Variants in TDRD3 observed in about 807,000 individuals in gnomAD.
The protein encoded by TDRD3 is tudor domain-containing protein 3.
TDRD3 carries 45 observed loss-of-function variants against 86.7 expected under a neutral mutation model. The observed-to-expected ratio is 0.52, with a 90% CI of 0.41 to 0.67. The LOEUF is 0.67. Among genes scored for constraint, TDRD3 ranks in the 30% least tolerant of loss-of-function variants. The pLI, the probability that TDRD3 is intolerant of heterozygous loss-of-function variation, is 0.00. For synonymous variants in TDRD3, 298 were observed against 301.7 expected (o/e 0.99, Z 0.13); for missense variants, 814 against 889.0 (o/e 0.92, Z 1.07).
chr13:60,540,901 CA>C (rs1957794747), intron 12 of TDRD3, among the ~76,000 whole-genome samples: 1 of 152,052 alleles, frequency 6.6e-6, no homozygotes, highest in South Asian at 2.1e-4. Context: ...AGTGAAATAA[CA>C]TGACACGATA....
intron 5 of TDRD3, among the ~76,000 whole-genome samples, chr13:60,480,071 T>C (rs1956277950): frequency 6.6e-6 from 1 of 152,222 alleles, no homozygotes; most frequent in Non-Finnish European, 1.5e-5. Context: ...GTAGACATGA[T>C]TGCATAGTTT....
intron 1 of TDRD3, among the ~76,000 whole-genome samples, chr13:60,425,402 C>T (rs913552602): frequency 6.6e-6 from 1 of 152,036 alleles, no homozygotes; most frequent in Non-Finnish European, 1.5e-5. Flanking sequence ...CCTAGTACAC[C>T]GTTGATGGGA....
At chr13:60,447,302 A>T (rs1467624377) in intron 3 of TDRD3, among the ~76,000 whole-genome samples, 1 of 152,170 alleles carries the variant, frequency 6.6e-6, no homozygotes, top group African/African-American at 2.4e-5. Context: ...AGACATCCAG[A>T]CATAGGGTCA....
intron 1 of TDRD3, among the ~76,000 whole-genome samples, chr13:60,421,703 A>G (rs1227635117): frequency 1.3e-5 from 2 of 152,182 alleles, no homozygotes; most frequent in African/African-American, 4.8e-5. Flanking sequence ...GGAAACTATC[A>G]AAGACCTGTG....
chr13:60,402,846 G>A (rs1467011782), intron 1 of TDRD3, among the ~76,000 whole-genome samples: 3 of 151,934 alleles, frequency 2.0e-5, no homozygotes, highest in Non-Finnish European at 4.4e-5. Flanking sequence ...GCGCCACCAC[G>A]CCTGGCTAGC....
At chr13:60,411,287 G>A (rs1882259184) in intron 1 of TDRD3, among the ~76,000 whole-genome samples, 1 of 152,150 alleles carries the variant, frequency 6.6e-6, no homozygotes, top group Non-Finnish European at 1.5e-5. Context: ...CAGTGTAGTG[G>A]TATATACTTT....
At chr13:60,532,404 C>A (rs1352056990) in intron 11 of TDRD3, among the ~76,000 whole-genome samples, 1 of 151,956 alleles carries the variant, frequency 6.6e-6, no homozygotes, top group Non-Finnish European at 1.5e-5. Context: ...TAAAGAATAC[C>A]CTGTGAAAGA....
chr13:60,511,581 T>C (rs904495940), intron 10 of TDRD3, among the ~76,000 whole-genome samples: 1 of 152,198 alleles, frequency 6.6e-6, no homozygotes, highest in African/African-American at 2.4e-5. Context: ...CTTTATTACC[T>C]TATAGTTTCT....
upstream of TDRD3, among the ~76,000 whole-genome samples, chr13:60,395,861 T>C (rs560808404): frequency 5.3e-5 from 8 of 152,260 alleles, no homozygotes; most frequent in Non-Finnish European, 8.8e-5. Context: ...TGCATACTAC[T>C]GCACATTGCA....
At chr13:60,479,428 C>T (rs1474820361) in intron 5 of TDRD3, among the ~76,000 whole-genome samples, 1 of 152,140 alleles carries the variant, frequency 6.6e-6, no homozygotes, top group Non-Finnish European at 1.5e-5. Flanking sequence ...TTTGGTCAAT[C>T]TTAGACTATG....
At chr13:60,545,276 G>A (rs760970696) in intron 12 of TDRD3, among the ~76,000 whole-genome samples, 1 of 152,132 alleles carries the variant, frequency 6.6e-6, no homozygotes, top group African/African-American at 2.4e-5. Flanking sequence ...AGCATGTTAA[G>A]TGAATGAGAT....
At chr13:60,484,028 G>A (rs922299755) in intron 6 of TDRD3, among the ~76,000 whole-genome samples, 182 bp downstream of exon 6, 5 of 151,946 alleles carry the variant, frequency 3.3e-5, no homozygotes, top group Admixed American at 6.6e-5. Context: ...TATTGTTGAC[G>A]TTTGCGAGAG....
intron 5 of TDRD3, among the ~76,000 whole-genome samples, chr13:60,478,895 T>C (rs1327118640): frequency 1.3e-5 from 2 of 150,770 alleles, no homozygotes; most frequent in Non-Finnish European, 3.0e-5. Context: ...CCTCTGCTTC[T>C]GGGGTTCAAG....
rs116454657 is a variant in TDRD3 at position 60,560,420 on chromosome 13, A to T, written c.2119-7105A>T. Among the ~76,000 whole-genome samples the T allele has an allele frequency of 7.3e-3, 1,108 of 152,306 alleles. 15 individuals carry two copies. The highest frequency in any genetic ancestry group is 0.025 in the African/African-American group (1,049 of 41,572). ...TATCATTTGGAATTTAATAAGGGTGACTTCTCTCCTACTGTCTTTTTTGTA... is the reference window on the plus strand; with the variant it reads ...TATCATTTGGAATTTAATAAGGGTGTCTTCTCTCCTACTGTCTTTTTTGTA... On this transcript the variant is annotated intron_variant, in intron 12 of 13. Coordinates refer to ENST00000377881, the MANE Select transcript of TDRD3 (RefSeq NM_001146070.2).
At chr13:60,474,673 T>C (rs1956146713) in intron 5 of TDRD3, among the ~76,000 whole-genome samples, 1 of 152,092 alleles carries the variant, frequency 6.6e-6, no homozygotes, top group Non-Finnish European at 1.5e-5. Context: ...ATACTTTACA[T>C]TCGTTACGAA....
At chr13:60,501,620 C>T (rs1368611098) in intron 8 of TDRD3, among the ~76,000 whole-genome samples, 1 of 152,184 alleles carries the variant, frequency 6.6e-6, no homozygotes, top group Non-Finnish European at 1.5e-5. Context: ...TTTTAAACAA[C>T]CAAAGATTCT....
chr13:60,454,018 ATAACT>A (rs1486733488), intron 3 of TDRD3, among the ~76,000 whole-genome samples: 2 of 152,236 alleles, frequency 1.3e-5, no homozygotes, highest in Non-Finnish European at 2.9e-5. Context: ...ATTTACAAAC[ATAACT>A]TTATATTCAG....
chr13:60,562,609 T>C (rs925410673), intron 12 of TDRD3, among the ~76,000 whole-genome samples: 5 of 152,178 alleles, frequency 3.3e-5, no homozygotes, highest in Non-Finnish European at 4.4e-5. Context: ...TATGAATCAC[T>C]GAAGGAGATA....
At chr13:60,448,477 T>C (rs921406805) in intron 3 of TDRD3, among the ~76,000 whole-genome samples, 2 of 152,174 alleles carry the variant, frequency 1.3e-5, no homozygotes, top group African/African-American at 4.8e-5. Flanking sequence ...TACTTTTCAA[T>C]TTCTGTCTTT....
Sources: gnomAD v4.1 joint callset for allele counts (sites outside exome capture counted in the v4.1 genomes callset) on GRCh38, gnomAD v4.1.1 for gene constraint, MANE v1.5 for transcripts, NCBI Gene and HGNC (gene_info 2026-07-23, HGNC 2026-07-21) for gene names.